The following MICAL2 variants were observed in gnomAD, a reference collection of about 807,000 sequenced individuals.
The protein encoded by MICAL2 is [F-actin]-monooxygenase MICAL2.
Under a neutral mutation model 127.3 loss-of-function variants are expected in MICAL2, and 77 were observed. The observed-to-expected ratio is 0.60, with a 90% confidence interval of 0.50 to 0.73. MICAL2 has a LOEUF of 0.73. Among genes scored for constraint, MICAL2 ranks in the 30% least tolerant of loss-of-function variants. The pLI, the probability that MICAL2 is intolerant of heterozygous loss-of-function variation, is 0.00. For synonymous variants in MICAL2, 570 were observed against 551.1 expected, an observed-to-expected ratio of 1.03 and a Z score of -0.48; for missense variants, 1,351 against 1,434.4, an observed-to-expected ratio of 0.94 and a Z score of 0.94.
At position 12,332,547 on chromosome 11, in the gene MICAL2, G is replaced by A. The variant is rs527620991; in HGVS notation, c.5515+5281G>A. 2.6e-5 allele frequency among the ~76,000 whole-genome samples: 4 copies of A among 152,266 alleles called. No individual in the cohort carries two copies. The South Asian group carries it at 8.3e-4, about 32-fold the overall frequency. On this transcript the variant is annotated intron_variant, in intron 32 of 34. Coordinates refer to the MICAL2 transcript ENST00000646065. ...TGCCACAACTATGTAGGTGCAAAAA[G>A]TAAACAACAAAAGTCAGTACATCAG...
At chr11:12,153,805 C>T (rs972176622) in intron 2 of MICAL2, among the ~76,000 whole-genome samples, 1 of 152,204 alleles carries the variant, frequency 6.6e-6, no homozygotes, top group African/African-American at 2.4e-5. Context: ...GATAGGCTGG[C>T]CTCCTAGAAA....
At chr11:12,165,169 G>T (rs1310072252) in intron 3 of MICAL2, among the ~76,000 whole-genome samples, 122 of 20,778 alleles carry the variant, frequency 5.9e-3, no homozygotes, top group Non-Finnish European at 8.4e-3. Flanking sequence ...AAGAAAGAAA[G>T]AAAGAAATAA....
Position 12,222,718 on chromosome 11 carries a change from A to G in MICAL2, c.1424A>G (p.Asn475Ser), listed in dbSNP as rs756251780. 5.0e-6 allele frequency: 8 copies of G among 1,613,984 alleles called. No individual in the cohort carries two copies. The highest frequency in any genetic ancestry group is 3.3e-5 in the Admixed American group (2 of 59,992). Residue 475 changes from asparagine (N) to serine (S), a missense_variant, in exon 11 of 28, where the codon AAC becomes AGC. Physicochemically the swap from Asn to Ser is conservative, Grantham distance 46 (BLOSUM62 1). Transcript: ENST00000683283. The stretch of plus-strand genomic sequence containing the variant: ...CCAGGGACACGGTACCCAAACCTCA[A>G]CTCACACTGTGTCAGGCCCCATCAG... The part of the protein sequence containing the change: ...LDPGTRYPNL[N>S]SHCVRPHQVK...
At chr11:12,187,217 G>A (rs916815030) in intron 3 of MICAL2, among the ~76,000 whole-genome samples, 2 of 152,046 alleles carry the variant, frequency 1.3e-5, no homozygotes, top group African/African-American at 2.4e-5. Context: ...GGAGCTGACT[G>A]GTTTTTAACT....
intron 15 of MICAL2, among the ~76,000 whole-genome samples, chr11:12,233,213 C>T (rs2134393590): frequency 6.6e-6 from 1 of 152,334 alleles, no homozygotes; most frequent in South Asian, 2.1e-4. Context: ...AGCTTATGAA[C>T]TAAACAATAT....
intron 7 of MICAL2, among the ~76,000 whole-genome samples, chr11:12,214,601 G>A (rs1855916015): frequency 6.6e-6 from 1 of 152,300 alleles, no homozygotes; most frequent in Admixed American, 6.5e-5. Flanking sequence ...TACTGCCTTC[G>A]AGCTAAGAAT....
intron 8 of MICAL2, among the ~76,000 whole-genome samples, chr11:12,218,312 C>T (rs1276311757): frequency 6.6e-6 from 1 of 152,176 alleles, no homozygotes; most frequent in Non-Finnish European, 1.5e-5. Flanking sequence ...GGATTCTGTC[C>T]TCCTGTCCTT....
At chr11:12,265,067 C>T (rs778683608), downstream of MICAL2, among the ~76,000 whole-genome samples, 1 of 152,184 alleles carries the variant, frequency 6.6e-6, no homozygotes, top group African/African-American at 2.4e-5. Flanking sequence ...ATTGTCAAAG[C>T]GTGACACCCC....
chr11:12,207,966 A>C, intron 4 of MICAL2, 57 bp from the exon 5 acceptor site: 1 of 1,287,172 alleles, frequency 7.8e-7, no homozygotes, highest in Non-Finnish European at 1.1e-6. Context: ...AGCATTCTGC[A>C]TATAGGTGGT....
At chr11:12,193,825 T>A (rs4757258) in intron 3 of MICAL2, among the ~76,000 whole-genome samples, 128,154 of 152,184 alleles carry the variant, frequency 0.84, 54,521 homozygotes, top group Non-Finnish European at 0.91. Flanking sequence ...TTGGTTTTGT[T>A]ATCTGGGCTT....
chr11:12,223,473 G>C lies in MICAL2; in HGVS notation c.1512G>C (p.Val504=). ...ACCCTCTCGAGAGACTGGGCTCGGT[G>C]AGGAGATCTGTCAACCTCTCCAGGA... ...EHYPLERLGS[V]RRSVNLSRKE... Residue 504 remains valine, a synonymous_variant, in exon 12 of 28, where the codon GTG becomes GTC. Transcript: ENST00000683283. 6.2e-7 allele frequency: 1 copy of C among 1,613,972 alleles called. No homozygotes were observed. The highest frequency in any genetic ancestry group is 1.1e-5 in the South Asian group (1 of 91,076).
intron 30 of MICAL2, among the ~76,000 whole-genome samples, chr11:12,322,042 G>T (rs1864305075): frequency 6.6e-6 from 1 of 151,578 alleles, no homozygotes. Context: ...ATTAATAATT[G>T]CATCATCTTG....
rs1406007375 is a variant in MICAL2 at position 12,131,019 on chromosome 11, C to A, written c.-148-7371C>A. ...TGAGAAAGATCCCAGTAGGGCCGGG[C>A]GCGGTGGCTCACGCCTGTAATCCCA... On this transcript the variant is annotated intron_variant, in intron 1 of 27. Coordinates refer to ENST00000683283, the MANE Select transcript of MICAL2 (RefSeq NM_001282663.2). Among the ~76,000 whole-genome samples the A allele has an allele frequency of 3.0e-5, 3 of 99,580 alleles. 1 individual carries two copies. Among genetic ancestry groups the A allele is most frequent in the Non-Finnish European group, 7.5e-5 (3 of 39,786 alleles). The allele number at this position is 99,580 out of a possible 152,430, so 65.3% of individuals were successfully genotyped here. A position where few individuals can be genotyped will look rare whatever the true frequency, so the allele number is the denominator to read the frequency against.
chr11:12,162,223 C>A lies in MICAL2; in HGVS notation c.68C>A (p.Ser23Tyr). Residue 23 changes from serine to tyrosine, a missense_variant, in exon 3 of 28, where the codon TCC (serine) becomes TAC (tyrosine). Physicochemically the swap from Ser to Tyr is moderately radical, Grantham distance 144. Coordinates refer to ENST00000683283, the MANE Select transcript of MICAL2 (RefSeq NM_001282663.2). Reference protein sequence around the residue: ...GQVFENFVQASTCKGTLQAFN... With the variant: ...GQVFENFVQAYTCKGTLQAFN... The stretch of plus-strand genomic sequence containing the variant: ...GTTTTTGAGAACTTTGTCCAGGCAT[C>A]CACGTGCAAAGGTACCCTCCAGGCC... The A allele has an allele frequency of 6.2e-7, 1 of 1,614,214 alleles. No homozygotes were observed.
Position 12,344,069 on chromosome 11 carries a change from G to A in MICAL2, c.5516-5769G>A, listed in dbSNP as rs1482556027. On this transcript the variant is annotated intron_variant, in intron 32 of 34. Transcript: ENST00000646065. ...CCAGCCCTTTGGGAGGCTGAGGCAGGTGGATCGCTTGAGCCCAGGAGTTCA... is the reference window on the plus strand; with the variant it reads ...CCAGCCCTTTGGGAGGCTGAGGCAGATGGATCGCTTGAGCCCAGGAGTTCA... Among the ~76,000 whole-genome samples, 3 of 152,314 alleles carry A rather than the reference G, an allele frequency of 2.0e-5. No homozygotes were observed. The East Asian group carries it at 5.8e-4, about 29-fold the overall frequency.
chr11:12,327,148 G>T (rs541124333), intron 31 of MICAL2: 1 of 1,548,606 alleles, frequency 6.5e-7, no homozygotes, highest in Non-Finnish European at 8.7e-7. Flanking sequence ...AAGTCCTTGT[G>T]TGACATCTGA....
At chr11:12,285,626 A>G (rs1217190128) in intron 2 of MICAL2, among the ~76,000 whole-genome samples, 3 of 152,232 alleles carry the variant, frequency 2.0e-5, no homozygotes, top group African/African-American at 4.8e-5. Context: ...TTGCAAAGGC[A>G]TTTTCACAAA....
chr11:12,299,232 A>C (rs1226574903), intron 29 of MICAL2, among the ~76,000 whole-genome samples: 1 of 152,188 alleles, frequency 6.6e-6, no homozygotes, highest in Non-Finnish European at 1.5e-5. Context: ...CTAAGAATGT[A>C]AAGATTTTAC....
At chr11:12,168,115 G>T (rs1037185840) in intron 3 of MICAL2, among the ~76,000 whole-genome samples, 68 of 150,332 alleles carry the variant, frequency 4.5e-4, no homozygotes, top group African/African-American at 1.6e-3. Flanking sequence ...CAAATTGGGC[G>T]ACATAGTGAG....
Sources: allele counts gnomAD v4.1 joint callset (sites outside exome capture counted in the v4.1 genomes callset), GRCh38; gene constraint gnomAD v4.1.1; transcripts MANE v1.5; gene names NCBI Gene and HGNC (gene_info 2026-07-23, HGNC 2026-07-21).